Variants in OGA observed in about 807,000 individuals in gnomAD.
OGA encodes the protein O-GlcNAcase, also known as protein O-GlcNAcase.
OGA carries 21 observed loss-of-function variants against 102.0 expected under a neutral mutation model. The ratio of observed to expected loss-of-function variants is 0.21; its 90% CI spans 0.15 to 0.30. The LOEUF (loss-of-function observed/expected upper bound fraction) is 0.30, where lower values mean the gene tolerates loss of function less well. Ranked by LOEUF, OGA falls within the 10% of genes least tolerant of loss-of-function variation. The pLI is 1.00. For synonymous variants in OGA, 408 were observed against 378.2 expected (o/e 1.08, Z -0.91); for missense variants, 765 against 1,107.8 (o/e 0.69, Z 4.39).
chr10:101,813,222 C>G, intron 2 of OGA, 95 bp from the exon 3 acceptor site: 1 of 820,026 alleles, frequency 1.2e-6, no homozygotes, highest in Non-Finnish European at 2.0e-6. Flanking sequence ...CCATCTCATA[C>G]AAAGCTAATA....
intron 12 of OGA, chr10:101,792,496 G>GTAGATAC: frequency 5.7e-6 from 1 of 175,674 alleles, no homozygotes; most frequent in East Asian, 1.5e-4. Flanking sequence ...TCAACAGCCT[G>GTAGATAC]TAGATACTTC....
intron 7 of OGA, among the ~76,000 whole-genome samples, chr10:101,803,513 C>T (rs1372186178): frequency 1.3e-5 from 2 of 150,504 alleles, no homozygotes; most frequent in African/African-American, 2.4e-5. Flanking sequence ...TCCAAAGACA[C>T]TCAACCTTTC....
At chr10:101,789,281 C>T (rs1243068942) in intron 14 of OGA, among the ~76,000 whole-genome samples, 1 of 152,058 alleles carries the variant, frequency 6.6e-6, no homozygotes, top group African/African-American at 2.4e-5. Context: ...GGCGGATCAC[C>T]TGAGGTCGGG....
At chr10:101,789,109 T>A (rs1008013) in intron 14 of OGA, among the ~76,000 whole-genome samples, 30,325 of 152,176 alleles carry the variant, frequency 0.2, 3,398 homozygotes, top group East Asian at 0.52. Flanking sequence ...CAGCATAGTG[T>A]CAGTGTAATC....
intron 9 of OGA, 61 bp downstream of exon 9, chr10:101,798,781 C>T: frequency 6.5e-7 from 1 of 1,537,222 alleles, no homozygotes. Context: ...AGAACCTTTT[C>T]CACATTACCA....
rs1589845603 is a variant in OGA, at chr10:101,817,745, T to TC, written c.199+78dup. ...AGAGGCTTTCCGGCCTTTTAGAGTC[T>TC]CCAAAATCCCCGCCACCACCCTCCT... On this transcript the variant is annotated intron_variant, in intron 1 of 15. Transcript: ENST00000361464. The TC allele has an allele frequency of 6.1e-6, 9 of 1,480,370 alleles. No homozygotes were observed. In the East Asian group the frequency reaches 2.0e-4, roughly 33 times the overall value. The allele number at this position is 1,480,370 out of a possible 1,614,324, so 91.7% of individuals were successfully genotyped here.
chr10:101,800,404 C>CA lies in OGA; in HGVS notation c.1037-5dup. On this transcript the variant is annotated splice_polypyrimidine_tract_variant and splice_region_variant and intron_variant, in intron 7 of 15. Transcript: ENST00000361464. ...ACAGTACTATCTTCACTGTCAGCTG[C>CA]AAAAAATAAAATAAAAAAGCACAAA... 2.5e-6 allele frequency: 4 copies of CA among 1,595,418 alleles called. No homozygotes were observed. The highest frequency in any genetic ancestry group is 3.4e-6 in the Non-Finnish European group (4 of 1,172,700).
At chr10:101,788,232 GT>G in intron 14 of OGA, among the ~76,000 whole-genome samples, 1 of 151,350 alleles carries the variant, frequency 6.6e-6, no homozygotes, top group East Asian at 2.0e-4. Flanking sequence ...GAGCTCAGGA[GT>G]TTGTGACCAG....
intron 15 of OGA, 106 bp from the exon 16 acceptor site, chr10:101,786,693 T>C: frequency 1.1e-6 from 1 of 924,722 alleles, no homozygotes; most frequent in Non-Finnish European, 1.5e-6. Context: ...AGGGCTTGTC[T>C]GTCTACACCA....
At position 101,799,284 on chromosome 10, in the gene OGA, T is replaced by C; in HGVS notation, c.1367A>G (p.Glu456Gly). 6 of 1,614,194 alleles carry C rather than the reference T, an allele frequency of 3.7e-6. No homozygotes were observed. The highest frequency in any genetic ancestry group is 5.1e-6 in the Non-Finnish European group (6 of 1,180,022). The stretch of plus-strand genomic sequence containing the variant: ...GGGTTCTTCATCAGGCTGTTTCTTT[T>C]CTTCTTCCTTGGTCAGAGTAGTAGG... ...GEPTTLTKEEEKKQPDEEPMD... is the reference protein window; with the variant it reads ...GEPTTLTKEEGKKQPDEEPMD... Residue 456 changes from glutamate (E) to glycine (G), a missense_variant, in exon 9 of 16, where the codon GAA (glutamate) becomes GGA (glycine). Glu to Gly is a moderately conservative substitution (Grantham distance 98). This residue lies in a region of OGA where 281 missense variants were observed against 345.8 expected (regional missense o/e 0.81). Transcript: ENST00000361464.
chr10:101,808,123 T>C (rs2065500632), intron 4 of OGA, among the ~76,000 whole-genome samples: 1 of 152,218 alleles, frequency 6.6e-6, no homozygotes, highest in Admixed American at 6.5e-5. Context: ...ATTCCTTATC[T>C]GAAATGCTTG....
At chr10:101,816,925 G>C (rs1050602035) in intron 1 of OGA, among the ~76,000 whole-genome samples, 7 of 152,100 alleles carry the variant, frequency 4.6e-5, no homozygotes, top group African/African-American at 1.7e-4. Flanking sequence ...TTACATACGA[G>C]AGAGATATAA....
intron 3 of OGA, among the ~76,000 whole-genome samples, chr10:101,812,174 CCTCT>C (rs2065566882): frequency 1.3e-5 from 2 of 152,264 alleles, no homozygotes; most frequent in African/African-American, 4.8e-5. Flanking sequence ...AAGAAAAGCA[CCTCT>C]CTAATTTGGC....
chr10:101,800,110 T>C, intron 8 of OGA, 132 bp downstream of exon 8: 2 of 923,668 alleles, frequency 2.2e-6, no homozygotes, highest in South Asian at 1.7e-5. Flanking sequence ...TGACCTCAGG[T>C]GATCCGCCTG....
intron 15 of OGA, 100 bp downstream of exon 15, chr10:101,787,264 G>A: frequency 8.2e-7 from 1 of 1,221,752 alleles, no homozygotes. Context: ...GGGAAAAGCA[G>A]TATAAATTTA....
chr10:101,812,842 A>G (rs1420876796), intron 3 of OGA, 188 bp downstream of exon 3: 1 of 657,932 alleles, frequency 1.5e-6, no homozygotes, highest in Admixed American at 2.1e-5. Flanking sequence ...TATCACACAT[A>G]TGGTCATGAC....
At chr10:101,798,265 A>C in intron 9 of OGA, 111 bp from the exon 10 acceptor site, 1 of 939,518 alleles carries the variant, frequency 1.1e-6, no homozygotes. Flanking sequence ...ATTTATCTTA[A>C]CCATTAAAGT....
intron 4 of OGA, among the ~76,000 whole-genome samples, chr10:101,808,563 T>A (rs1255584146): frequency 2.0e-5 from 3 of 152,218 alleles, no homozygotes; most frequent in African/African-American, 7.2e-5. Flanking sequence ...ATAACTTCAT[T>A]CATGAAAATT....
chr10:101,785,739 A>G lies in OGA; in HGVS notation c.*712T>C, dbSNP rs1456527461. ...CATTTATAGAGGAAAAAAATTTACA[A>G]AAACAGTAAACACAAAGGATAGTCA... On this transcript the variant is annotated 3_prime_UTR_variant, in exon 16 of 16. Coordinates refer to ENST00000361464, the MANE Select transcript of OGA (RefSeq NM_012215.5). 1 of 152,604 alleles carries G rather than the reference A, an allele frequency of 6.6e-6. No homozygotes were observed. Among genetic ancestry groups the G allele is most frequent in the African/African-American group, 2.4e-5 (1 of 41,474 alleles). 9.5% of individuals were successfully genotyped at this position (152,604 alleles called of 1,614,324 possible). A position where few individuals can be genotyped will look rare whatever the true frequency, so the allele number is the denominator to read the frequency against.
Sources: allele counts gnomAD v4.1 joint callset (sites outside exome capture counted in the v4.1 genomes callset), GRCh38; gene constraint gnomAD v4.1.1; regional missense constraint gnomAD v4.1.1; transcripts MANE v1.5; gene names NCBI Gene and HGNC (gene_info 2026-07-23, HGNC 2026-07-21).